TNKS: variants seen among roughly 807,000 people sequenced by gnomAD.
The protein encoded by TNKS is tankyrase.
Under a neutral mutation model 135.8 loss-of-function variants are expected in TNKS, and 72 were observed. That is an observed-to-expected ratio of 0.53 (90% confidence interval 0.44 to 0.64). TNKS has a LOEUF of 0.64. Among genes scored for constraint, TNKS ranks in the 30% least tolerant of loss-of-function variants. TNKS has a pLI of 0.00. For missense variants in TNKS, 1,769 were observed against 1,674.0 expected (o/e 1.06, Z -0.99); for synonymous variants, 849 against 649.3 (o/e 1.31, Z -4.68).
At chr8:9,665,041 T>G (rs1801923768) in intron 3 of TNKS, among the ~76,000 whole-genome samples, 1 of 152,252 alleles carries the variant, frequency 6.6e-6, no homozygotes, top group East Asian at 1.9e-4. Context: ...GAGCCCTCTC[T>G]GAAATACTGA....
chr8:9,727,873 A>G (rs1210608165), intron 13 of TNKS, among the ~76,000 whole-genome samples: 1 of 152,196 alleles, frequency 6.6e-6, no homozygotes, highest in Non-Finnish European at 1.5e-5. Context: ...TTTAGTTGTG[A>G]TAGCCACTAG....
chr8:9,761,108 C>G (rs1807127623), intron 20 of TNKS, among the ~76,000 whole-genome samples: 1 of 152,100 alleles, frequency 6.6e-6, no homozygotes, highest in African/African-American at 2.4e-5. Flanking sequence ...TGCTGAACGC[C>G]TCTCCCTTTC....
chr8:9,751,946 G>A lies in TNKS; in HGVS notation c.3070+100G>A, dbSNP rs535091567. The A allele has an allele frequency of 9.1e-5, 93 of 1,025,774 alleles. No homozygotes were observed. The Admixed American group carries it at 1.0e-3, about 11-fold the overall frequency. The allele number at this position is 1,025,774 out of a possible 1,614,324, so 63.5% of individuals were successfully genotyped here. On this transcript the variant is annotated intron_variant, in intron 19 of 26. Coordinates refer to ENST00000310430, the MANE Select transcript of TNKS (RefSeq NM_003747.3). ...ACTATTGAATGCCTCAATTAGAGAC[G>A]TCCTGTCTGTAAATTTTCATACACA...
At chr8:9,640,453 A>G (rs966932338) in intron 3 of TNKS, among the ~76,000 whole-genome samples, 3 of 145,354 alleles carry the variant, frequency 2.1e-5, no homozygotes, top group Non-Finnish European at 4.5e-5. Flanking sequence ...AAGCTATACT[A>G]TTTGAGTCAC....
At chr8:9,632,328 GT>G (rs1259567545) in intron 3 of TNKS, among the ~76,000 whole-genome samples, 1 of 152,118 alleles carries the variant, frequency 6.6e-6, no homozygotes, top group Non-Finnish European at 1.5e-5. Context: ...TTACAGGAAA[GT>G]TTTAAAAAAT....
At chr8:9,770,357 T>G (rs745628766) in intron 26 of TNKS, 95 bp downstream of exon 26, 1 of 1,275,878 alleles carries the variant, frequency 7.8e-7, no homozygotes, top group Non-Finnish European at 1.1e-6. Flanking sequence ...CAGTGAAATA[T>G]CCACCACACA....
intron 25 of TNKS, among the ~76,000 whole-genome samples, chr8:9,768,572 C>T (rs573345493): frequency 6.6e-6 from 1 of 152,374 alleles, no homozygotes; most frequent in Admixed American, 6.5e-5. Context: ...TCTACTTGCC[C>T]ATCTGCAGCT....
intron 26 of TNKS, among the ~76,000 whole-genome samples, chr8:9,772,910 G>A (rs1281183579): frequency 1.4e-5 from 2 of 146,044 alleles, no homozygotes; most frequent in Non-Finnish European, 3.0e-5. Context: ...GATAGGGAAG[G>A]GGCAAATGAT....
intron 3 of TNKS, among the ~76,000 whole-genome samples, chr8:9,630,045 G>C (rs1800226881): frequency 1.3e-5 from 2 of 152,046 alleles, no homozygotes; most frequent in African/African-American, 4.8e-5. Context: ...AGCTCTTCCT[G>C]ACCTCTCAAA....
Position 9,780,141 on chromosome 8 carries a change from T to TGTCTAG in TNKS, c.*3405_*3406insGTCTAG, listed in dbSNP as rs1808397847. ...TTAGAATGCAATAAGTTGTCTAGGT[T>TGTCTAG]TTTCTGTTTCAGTGTCTCTCCCAAT... On this transcript the variant is annotated 3_prime_UTR_variant, in exon 27 of 27. Coordinates refer to ENST00000310430, the MANE Select transcript of TNKS (RefSeq NM_003747.3). 1 of 152,212 alleles carries TGTCTAG rather than the reference T, an allele frequency of 6.6e-6. No homozygotes were observed. Among genetic ancestry groups the TGTCTAG allele is most frequent in the African/African-American group, 2.4e-5 (1 of 41,448 alleles). The allele number at this position is 152,212 out of a possible 1,614,324, so 9.4% of individuals were successfully genotyped here. A position where few individuals can be genotyped will look rare whatever the true frequency, so the allele number is the denominator to read the frequency against.
chr8:9,715,303 A>G (rs911523432), intron 11 of TNKS, among the ~76,000 whole-genome samples: 18 of 151,986 alleles, frequency 1.2e-4, no homozygotes, highest in African/African-American at 3.9e-4. Context: ...AAGGAACTGT[A>G]TAGAAACGTG....
intron 2 of TNKS, among the ~76,000 whole-genome samples, chr8:9,590,670 G>A (rs1027827168): frequency 1.3e-5 from 2 of 152,160 alleles, no homozygotes; most frequent in South Asian, 2.1e-4. Flanking sequence ...GATAAGTAAT[G>A]ATGTTGAGCA....
intron 3 of TNKS, among the ~76,000 whole-genome samples, chr8:9,629,219 T>G (rs1800187776): frequency 6.6e-6 from 1 of 152,180 alleles, no homozygotes; most frequent in African/African-American, 2.4e-5. Context: ...ACTTGACTTC[T>G]TTTTCTAATA....
chr8:9,748,477 C>T (rs1052557710), intron 18 of TNKS, among the ~76,000 whole-genome samples: 2 of 152,154 alleles, frequency 1.3e-5, no homozygotes, highest in East Asian at 1.9e-4. Flanking sequence ...TTAGAGTGTA[C>T]CCTCAAAGAA....
In TNKS at chr8:9,676,686, C is replaced by CTCTGTGTGTGTG. The variant is rs1554467464; in HGVS notation, c.995-3264_995-3263insCTGTGTGTGTGT. 1.3e-3 allele frequency among the ~76,000 whole-genome samples: 192 copies of CTCTGTGTGTGTG among 147,880 alleles called. 1 individual carries two copies. The highest frequency in any genetic ancestry group is 4.7e-3 in the African/African-American group (187 of 39,928). On this transcript the variant is annotated intron_variant, in intron 3 of 26. Coordinates refer to ENST00000310430, the MANE Select transcript of TNKS (RefSeq NM_003747.3). ...CTCGTATTTCTCCCTCTCTCTCTCT[C>CTCTGTGTGTGTG]TGTGTGTGTGTGTGTGTGTGTGTGT... is the stretch of plus-strand genomic sequence containing the variant.
At chr8:9,581,475 T>G (rs988406465) in intron 2 of TNKS, among the ~76,000 whole-genome samples, 6 of 152,174 alleles carry the variant, frequency 3.9e-5, no homozygotes, top group African/African-American at 1.4e-4. Flanking sequence ...CTGGACCAAG[T>G]CATTACATAA....
intron 5 of TNKS, among the ~76,000 whole-genome samples, chr8:9,699,238 G>C (rs185975336): frequency 6.6e-6 from 1 of 152,172 alleles, no homozygotes. Context: ...AATTATCCTA[G>C]CAATTAGAAA....
In TNKS at chr8:9,720,399, A is replaced by G. The variant is rs1202686124; in HGVS notation, c.1775A>G (p.Gln592Arg). 1 of 1,612,790 alleles carries G rather than the reference A, an allele frequency of 6.2e-7. No homozygotes were observed. The highest frequency in any genetic ancestry group is 8.5e-7 in the Non-Finnish European group (1 of 1,179,568). The change falls in exon 12 of 27, where the codon CAG becomes CGG. Residue 592 changes from glutamine (Q) to arginine (R), a missense_variant. Coordinates refer to ENST00000310430, the MANE Select transcript of TNKS (RefSeq NM_003747.3). ...ATGAATGCACTGGACACCCTTGGTC[A>G]GACTGCTTTGCATAGAGCCGCCCTA... Reference protein sequence around the residue: ...AKMNALDTLGQTALHRAALAG... With the variant: ...AKMNALDTLGRTALHRAALAG...
chr8:9,748,487 A>C (rs1192321464), intron 18 of TNKS, among the ~76,000 whole-genome samples: 2 of 152,218 alleles, frequency 1.3e-5, no homozygotes, highest in Non-Finnish European at 2.9e-5. Flanking sequence ...CCCTCAAAGA[A>C]TTATATTTAG....
Sources: allele counts gnomAD v4.1 joint callset (sites outside exome capture counted in the v4.1 genomes callset), GRCh38; gene constraint gnomAD v4.1.1; transcripts MANE v1.5; gene names NCBI Gene and HGNC (gene_info 2026-07-23, HGNC 2026-07-21).